LRP1B: variants seen among roughly 807,000 people sequenced by gnomAD.
LRP1B encodes low-density lipoprotein receptor-related protein 1B.
Under a neutral mutation model 556.6 loss-of-function variants are expected in LRP1B, and 217 were observed. The observed-to-expected ratio is 0.39, with a 90% CI of 0.35 to 0.44. The LOEUF is 0.44. Among genes scored for constraint, LRP1B ranks in the 20% least tolerant of loss-of-function variants. The pLI is 1.00. For synonymous variants in LRP1B, 2,047 were observed against 1,865.8 expected, an observed-to-expected ratio of 1.10 and a Z score of -2.50; for missense variants, 5,053 against 5,620.8, an observed-to-expected ratio of 0.90 and a Z score of 3.23.
chr2:140,480,971 ATTC>A (rs1298207362), intron 59 of LRP1B, among the ~76,000 whole-genome samples: 1 of 151,918 alleles, frequency 6.6e-6, no homozygotes, highest in Non-Finnish European at 1.5e-5. Flanking sequence ...GGTTCAAGAT[ATTC>A]TTCTGCCTCA....
At chr2:141,070,940 G>C (rs1699621905) in intron 7 of LRP1B, among the ~76,000 whole-genome samples, 2 of 152,108 alleles carry the variant, frequency 1.3e-5, no homozygotes, top group East Asian at 1.9e-4. Context: ...GGAGAAACTG[G>C]TACCATTCCT....
chr2:141,283,618 C>CTTTTTTTTTTTTTTTTT (rs751136016), intron 3 of LRP1B, among the ~76,000 whole-genome samples: 1 of 123,932 alleles, frequency 8.1e-6, no homozygotes. Context: ...AAGAGACCCA[C>CTTTTTTTTTTTTTTTTT]TTTTTTTTTT....
intron 11 of LRP1B, among the ~76,000 whole-genome samples, chr2:141,024,714 T>G (rs1207622547): frequency 6.6e-6 from 1 of 151,982 alleles, no homozygotes; most frequent in Non-Finnish European, 1.5e-5. Flanking sequence ...ACACAAGACT[T>G]GTGGATCAGA....
intron 41 of LRP1B, among the ~76,000 whole-genome samples, chr2:140,667,058 T>G (rs1685303247): frequency 6.6e-6 from 1 of 152,182 alleles, no homozygotes; most frequent in South Asian, 2.1e-4. Context: ...GTGTTTAAAA[T>G]AAGGAGCTAG....
intron 2 of LRP1B, among the ~76,000 whole-genome samples, chr2:141,735,443 T>C (rs1693427937): frequency 7.6e-6 from 1 of 131,758 alleles, no homozygotes; most frequent in Non-Finnish European, 1.5e-5. Context: ...CATTTTCCAA[T>C]AGAAGATGGA....
chr2:141,007,487 T>TA (rs905117507), intron 14 of LRP1B, among the ~76,000 whole-genome samples: 42 of 148,712 alleles, frequency 2.8e-4, no homozygotes, highest in Admixed American at 7.4e-4. Flanking sequence ...TTAAGCCTAA[T>TA]ACAGGGTTTT....
intron 2 of LRP1B, among the ~76,000 whole-genome samples, chr2:141,752,703 G>T (rs766074304): frequency 2.0e-5 from 3 of 151,478 alleles, no homozygotes; most frequent in East Asian, 1.9e-4. Flanking sequence ...GGAGGGTGGG[G>T]AGGCGAGGTG....
At chr2:140,295,994 G>C (rs1022200518) in intron 84 of LRP1B, among the ~76,000 whole-genome samples, 1 of 151,416 alleles carries the variant, frequency 6.6e-6, no homozygotes, top group African/African-American at 2.4e-5. Context: ...AACAGGAAGT[G>C]AAAAAAAGGG....
intron 1 of LRP1B, among the ~76,000 whole-genome samples, chr2:141,990,977 C>T (rs980055483): frequency 1.3e-5 from 2 of 151,982 alleles, no homozygotes; most frequent in Non-Finnish European, 2.9e-5. Flanking sequence ...AGTGGTTCTT[C>T]GGGTAACTGG....
intron 7 of LRP1B, among the ~76,000 whole-genome samples, chr2:141,094,611 C>T (rs1700249952): frequency 1.3e-5 from 2 of 152,134 alleles, no homozygotes; most frequent in African/African-American, 4.8e-5. Context: ...TCAACCTTTC[C>T]CACTGACCTT....
At chr2:141,573,407 A>G (rs1686607360) in intron 2 of LRP1B, among the ~76,000 whole-genome samples, 1 of 152,164 alleles carries the variant, frequency 6.6e-6, no homozygotes, top group East Asian at 1.9e-4. Context: ...GAGCATAAAG[A>G]GACAATGTAC....
intron 86 of LRP1B, among the ~76,000 whole-genome samples, chr2:140,249,609 T>G (rs748987080): frequency 4.0e-5 from 6 of 151,804 alleles, no homozygotes; most frequent in African/African-American, 7.2e-5. Flanking sequence ...ATGATCACTT[T>G]ACCATTCTCC....
At chr2:140,347,479 A>G (rs1681743793) in intron 77 of LRP1B, among the ~76,000 whole-genome samples, 1 of 151,694 alleles carries the variant, frequency 6.6e-6, no homozygotes, top group African/African-American at 2.4e-5. Flanking sequence ...AAAAAAAGAA[A>G]CGGGATCACA....
At chr2:140,865,728 C>T (rs1003987319) in intron 27 of LRP1B, among the ~76,000 whole-genome samples, 1 of 151,880 alleles carries the variant, frequency 6.6e-6, no homozygotes, top group African/African-American at 2.4e-5. Flanking sequence ...AGAATATTTG[C>T]CCTGAATCCT....
At chr2:140,988,793 G>A (rs1158997455) in intron 17 of LRP1B, among the ~76,000 whole-genome samples, 1 of 151,976 alleles carries the variant, frequency 6.6e-6, no homozygotes, top group Non-Finnish European at 1.5e-5. Context: ...CTATATAATG[G>A]TTTAAAAAAT....
chr2:141,406,298 T>C (rs1167754456), intron 3 of LRP1B, among the ~76,000 whole-genome samples: 1 of 152,080 alleles, frequency 6.6e-6, no homozygotes, highest in Non-Finnish European at 1.5e-5. Context: ...ATATGGAGTA[T>C]AAATAGGATG....
chr2:141,395,109 C>A (rs148228197), intron 3 of LRP1B, among the ~76,000 whole-genome samples: 24 of 152,140 alleles, frequency 1.6e-4, no homozygotes, highest in Middle Eastern at 3.4e-3. Context: ...GTTGTAACCT[C>A]ATTTTACTTA....
At chr2:140,267,602 A>G (rs1358280786) in intron 86 of LRP1B, among the ~76,000 whole-genome samples, 1 of 151,938 alleles carries the variant, frequency 6.6e-6, no homozygotes, top group African/African-American at 2.4e-5. Context: ...AAACTTGAGA[A>G]AAGTCTGTAC....
At chr2:141,732,747 T>C (rs1242170929) in intron 2 of LRP1B, among the ~76,000 whole-genome samples, 1 of 152,156 alleles carries the variant, frequency 6.6e-6, no homozygotes. Context: ...CCCATTATTA[T>C]GAGGCAGAAA....
Sources: allele counts gnomAD v4.1 joint callset (sites outside exome capture counted in the v4.1 genomes callset), GRCh38; gene constraint gnomAD v4.1.1; transcripts MANE v1.5; gene names NCBI Gene and HGNC (gene_info 2026-07-23, HGNC 2026-07-21).